Variants in NXPH1 observed in about 807,000 individuals in gnomAD.
NXPH1 encodes the protein neurexophilin-1.
A neutral mutation model predicts 23.7 loss-of-function variants in NXPH1; 5 were observed. The ratio of observed to expected loss-of-function variants is 0.21; its 90% CI spans 0.11 to 0.44. The LOEUF (loss-of-function observed/expected upper bound fraction) is 0.44. Among genes scored for constraint, NXPH1 ranks in the 20% least tolerant of loss-of-function variants. NXPH1 has a pLI of 0.99. For synonymous variants in NXPH1, 144 were observed against 122.2 expected, an observed-to-expected ratio of 1.18 and a Z score of -1.18; for missense variants, 324 against 321.6, an observed-to-expected ratio of 1.01 and a Z score of -0.06.
At chr7:8,739,024 G>T (rs1413075126) in intron 2 of NXPH1, among the ~76,000 whole-genome samples, 1 of 152,034 alleles carries the variant, frequency 6.6e-6, no homozygotes, top group Non-Finnish European at 1.5e-5. Flanking sequence ...TGTGCTGGCA[G>T]CAAGAATTTC....
At chr7:8,469,512 C>G (rs1816836748) in intron 2 of NXPH1, among the ~76,000 whole-genome samples, 1 of 152,024 alleles carries the variant, frequency 6.6e-6, no homozygotes, top group Non-Finnish European at 1.5e-5. Flanking sequence ...AAGTCCTGAA[C>G]AATCGTTCCC....
chr7:8,597,655 C>T (rs1377871167), intron 2 of NXPH1, among the ~76,000 whole-genome samples: 1 of 142,658 alleles, frequency 7.0e-6, no homozygotes, highest in East Asian at 2.1e-4. Context: ...TGAGTAAATG[C>T]CTCCAGCTCT....
chr7:8,677,164 A>T (rs1384796650), intron 2 of NXPH1, among the ~76,000 whole-genome samples: 1 of 152,200 alleles, frequency 6.6e-6, no homozygotes, highest in East Asian at 1.9e-4. Flanking sequence ...GACCTAAGGA[A>T]ACTAGAATAA....
intron 2 of NXPH1, among the ~76,000 whole-genome samples, chr7:8,563,027 C>T (rs1241070493): frequency 3.3e-5 from 5 of 151,624 alleles, no homozygotes; most frequent in Non-Finnish European, 5.9e-5. Context: ...AACCTATAAG[C>T]ATATACATAC....
At chr7:8,618,855 A>T (rs531972862) in intron 2 of NXPH1, among the ~76,000 whole-genome samples, 1 of 152,324 alleles carries the variant, frequency 6.6e-6, no homozygotes, top group African/African-American at 2.4e-5. Context: ...ACTCTACAGA[A>T]TTCAAGGAAT....
chr7:8,486,146 A>G (rs1817155886), intron 2 of NXPH1, among the ~76,000 whole-genome samples: 1 of 152,136 alleles, frequency 6.6e-6, no homozygotes, highest in South Asian at 2.1e-4. Context: ...GATTTTGGAG[A>G]TTGTAATTTT....
intron 2 of NXPH1, among the ~76,000 whole-genome samples, chr7:8,655,072 C>T (rs1367260987): frequency 1.3e-5 from 2 of 152,032 alleles, no homozygotes; most frequent in Non-Finnish European, 2.9e-5. Flanking sequence ...TAGAAATTGA[C>T]CAATTTCTGA....
chr7:8,592,311 T>C (rs1279361128), intron 2 of NXPH1, among the ~76,000 whole-genome samples: 2 of 151,986 alleles, frequency 1.3e-5, no homozygotes, highest in African/African-American at 2.4e-5. Flanking sequence ...CAATACATAA[T>C]ATAGCAACAA....
At position 8,579,493 on chromosome 7, in the gene NXPH1, C is replaced by G. The variant is rs561320434; in HGVS notation, c.54+143726C>G. Among the ~76,000 whole-genome samples, 75 of 151,870 alleles carry G rather than the reference C, an allele frequency of 4.9e-4. 1 individual carries two copies. Among genetic ancestry groups the G allele is most frequent in the African/African-American group, 1.6e-3 (65 of 41,362 alleles). On this transcript the variant is annotated intron_variant, in intron 2 of 2. Coordinates refer to ENST00000405863, the MANE Select transcript of NXPH1 (RefSeq NM_152745.3). Reference sequence around the variant, plus strand: ...GTTCAAGCAATTCTCCTGCTTCAGTCTCCTGAGCAGCTGGAATTACAGGCA... The same window carrying G: ...GTTCAAGCAATTCTCCTGCTTCAGTGTCCTGAGCAGCTGGAATTACAGGCA...
At chr7:8,510,514 A>C (rs990634802) in intron 2 of NXPH1, among the ~76,000 whole-genome samples, 1 of 152,048 alleles carries the variant, frequency 6.6e-6, no homozygotes, top group African/African-American at 2.4e-5. Flanking sequence ...CATTAGCCCC[A>C]CTAACATATA....
rs1779788494 is a variant in NXPH1 at position 8,711,165 on chromosome 7, C to T, written c.55-39843C>T. 7.2e-5 allele frequency among the ~76,000 whole-genome samples: 11 copies of T among 152,188 alleles called. No individual in the cohort carries two copies. The South Asian group carries it at 2.3e-3, about 32-fold the overall frequency. On this transcript the variant is annotated intron_variant, in intron 2 of 2. Coordinates refer to ENST00000405863, the MANE Select transcript of NXPH1 (RefSeq NM_152745.3). ...CCAAGTAATGACTGCCTACGAGTGGCCTAGATTCTCAATACACCTGGAGAA... is the reference window on the plus strand; with the variant it reads ...CCAAGTAATGACTGCCTACGAGTGGTCTAGATTCTCAATACACCTGGAGAA...
At chr7:8,696,458 T>C (rs1779511756) in intron 2 of NXPH1, among the ~76,000 whole-genome samples, 1 of 152,112 alleles carries the variant, frequency 6.6e-6, no homozygotes, top group Non-Finnish European at 1.5e-5. Context: ...AGGATGAAAA[T>C]AAAGCAAGAT....
At chr7:8,615,949 G>A (rs891308951) in intron 2 of NXPH1, among the ~76,000 whole-genome samples, 1 of 152,136 alleles carries the variant, frequency 6.6e-6, no homozygotes, top group African/African-American at 2.4e-5. Context: ...CTTCTACATA[G>A]TCTCCCTATT....
intron 2 of NXPH1, among the ~76,000 whole-genome samples, chr7:8,527,373 G>A (rs1175784105): frequency 2.6e-5 from 4 of 152,140 alleles, no homozygotes; most frequent in African/African-American, 4.8e-5. Context: ...AAGCTCAGAT[G>A]GCCTCTAAAT....
At chr7:8,628,370 GT>G (rs5882180) in intron 2 of NXPH1, among the ~76,000 whole-genome samples, 49,746 of 134,982 alleles carry the variant, frequency 0.37, 9,167 homozygotes, top group African/African-American at 0.48. Context: ...ATGCATAGGT[GT>G]TTTTTTTTTT....
At chr7:8,741,309 T>C (rs1780356114) in intron 2 of NXPH1, among the ~76,000 whole-genome samples, 1 of 151,918 alleles carries the variant, frequency 6.6e-6, no homozygotes, top group African/African-American at 2.4e-5. Context: ...CATCCCTTGA[T>C]GGACACTTAG....
intron 2 of NXPH1, among the ~76,000 whole-genome samples, chr7:8,597,210 A>G (rs1237292525): frequency 6.6e-6 from 1 of 152,096 alleles, no homozygotes; most frequent in Non-Finnish European, 1.5e-5. Context: ...ATGAGAATAG[A>G]GACTGACAAC....
Position 8,473,916 on chromosome 7 carries a change from T to C in NXPH1, c.54+38149T>C, listed in dbSNP as rs115196164. Among the ~76,000 whole-genome samples the C allele has an allele frequency of 1.5e-3, 227 of 152,200 alleles. 1 individual carries two copies. The highest frequency in any genetic ancestry group is 5.3e-3 in the African/African-American group (219 of 41,536). On this transcript the variant is annotated intron_variant, in intron 2 of 2. Transcript: ENST00000405863. Reference sequence around the variant, plus strand: ...CTTTTATAGGCTACTCAGATTTCATTTTCCACTTGAACTGCTGCAGGTATC... The same window carrying C: ...CTTTTATAGGCTACTCAGATTTCATCTTCCACTTGAACTGCTGCAGGTATC...
chr7:8,600,046 G>T (rs1359484237), intron 2 of NXPH1, among the ~76,000 whole-genome samples: 1 of 151,838 alleles, frequency 6.6e-6, no homozygotes, highest in Non-Finnish European at 1.5e-5. Context: ...TTGGTGGAGG[G>T]TATTTTCCAA....
Sources: allele counts gnomAD v4.1 joint callset (sites outside exome capture counted in the v4.1 genomes callset), GRCh38; gene constraint gnomAD v4.1.1; transcripts MANE v1.5; gene names NCBI Gene and HGNC (gene_info 2026-07-23, HGNC 2026-07-21).